The following EFHC2 variants were observed in gnomAD, a reference collection of about 807,000 sequenced individuals.
EFHC2 encodes EF-hand domain containing 2, also known as EF-hand domain-containing family member C2.
In EFHC2, 18 loss-of-function variants were observed where a neutral mutation model predicts 52.7. The observed-to-expected ratio is 0.34, with a 90% CI of 0.24 to 0.51. The LOEUF (loss-of-function observed/expected upper bound fraction) is 0.51, where lower values mean the gene tolerates loss of function less well. Among genes scored for constraint, EFHC2 ranks in the 20% least tolerant of loss-of-function variants. The pLI is 0.97. For synonymous variants in EFHC2, 203 were observed against 204.1 expected (o/e 0.99, Z 0.04); for missense variants, 513 against 562.5 (o/e 0.91, Z 0.89).
chrX:44,242,332 G>C (rs775328127), intron 7 of EFHC2, 43 bp from the exon 8 acceptor site: 2 of 1,156,931 alleles, frequency 1.7e-6, no homozygotes, highest in South Asian at 4.0e-5. Context: ...TATTTTTTTT[G>C]CCCTGATTAT....
At position 44,303,310 on chromosome X, in the gene EFHC2, C is replaced by T. The variant is rs142296946; in HGVS notation, c.231+9258G>A. 4.9e-4 allele frequency among the ~76,000 whole-genome samples: 55 copies of T among 111,656 alleles called. 1 individual carries two copies. The East Asian group carries it at 0.013, about 27-fold the overall frequency. ...AACACAGAAAATGAACCTTGTCCAGCCATGAAATGTCAAACATCCCCCTCT... is the reference window on the plus strand; with the variant it reads ...AACACAGAAAATGAACCTTGTCCAGTCATGAAATGTCAAACATCCCCCTCT... On this transcript the variant is annotated intron_variant, in intron 2 of 14. Coordinates refer to ENST00000420999, the MANE Select transcript of EFHC2 (RefSeq NM_025184.4).
chrX:44,205,927 A>G (rs777163555), intron 11 of EFHC2, among the ~76,000 whole-genome samples: 4 of 111,579 alleles, frequency 3.6e-5, no homozygotes, highest in African/African-American at 1.3e-4. Context: ...CAGAATATAC[A>G]TCCTTCTCAT....
intron 2 of EFHC2, among the ~76,000 whole-genome samples, chrX:44,293,129 A>G (rs2037804801): frequency 9.1e-6 from 1 of 109,740 alleles, no homozygotes; most frequent in South Asian, 4.0e-4. Flanking sequence ...GGTACGTGCC[A>G]CCATGCCCAG....
At chrX:44,178,624 C>T in intron 11 of EFHC2, 60 bp from the exon 12 acceptor site, 2 of 939,702 alleles carry the variant, frequency 2.1e-6, no homozygotes, top group South Asian at 5.2e-5. Context: ...TATTTTACAT[C>T]TCCTTCTATT....
intron 11 of EFHC2, among the ~76,000 whole-genome samples, chrX:44,222,256 C>T (rs1216077853): frequency 9.0e-6 from 1 of 110,992 alleles, no homozygotes; most frequent in East Asian, 2.8e-4. Context: ...ACAATAAGGA[C>T]TTGTAGAAAC....
intron 2 of EFHC2, among the ~76,000 whole-genome samples, chrX:44,277,177 T>G (rs1289251973): frequency 9.7e-6 from 1 of 102,592 alleles, no homozygotes; most frequent in Non-Finnish European, 1.9e-5. Flanking sequence ...GAGAATGGCA[T>G]GAACCTGGGA....
chrX:44,313,651 G>T (rs190992850), intron 1 of EFHC2, among the ~76,000 whole-genome samples: 1 of 111,454 alleles, frequency 9.0e-6, no homozygotes, highest in African/African-American at 3.3e-5. Flanking sequence ...AATATTACAC[G>T]TATCAATATA....
rs774240302 is a variant in EFHC2 at position 44,229,709 on chromosome X, T to C, written c.1691A>G (p.Lys564Arg). 2 of 1,210,750 alleles carry C rather than the reference T, an allele frequency of 1.7e-6. No homozygotes were observed. The highest frequency in any genetic ancestry group is 2.2e-5 in the Admixed American group (1 of 46,023). ...KQEEGKSREL[K>R]QVFKAADSKH... is the part of the protein sequence containing the mutation. Reference sequence around the variant, plus strand: ...AGAGTCAGCAGCTTTAAATACCTGCTTGAGCTCTCTGGATTTTCCTTCTTC... The same window carrying C: ...AGAGTCAGCAGCTTTAAATACCTGCCTGAGCTCTCTGGATTTTCCTTCTTC... The change falls in exon 11 of 15, where the codon AAG (lysine) becomes AGG (arginine). Residue 564 changes from lysine (K) to arginine (R), a missense_variant. By Grantham distance (26) the Lys-to-Arg change is conservative. Transcript: ENST00000420999.
intron 2 of EFHC2, among the ~76,000 whole-genome samples, chrX:44,289,242 C>T (rs1428541910): frequency 9.0e-6 from 1 of 111,572 alleles, no homozygotes; most frequent in Non-Finnish European, 1.9e-5. Flanking sequence ...CTACTACTCA[C>T]CACTAATCAT....
chrX:44,310,071 G>A (rs1447680879), intron 2 of EFHC2: 2 of 761,598 alleles, frequency 2.6e-6, no homozygotes, highest in African/African-American at 4.1e-5. Flanking sequence ...GCCATCACTT[G>A]CTGCAAAGAA....
intron 2 of EFHC2, among the ~76,000 whole-genome samples, chrX:44,304,695 C>T (rs187527493): frequency 1.8e-5 from 2 of 110,769 alleles, no homozygotes; most frequent in African/African-American, 3.3e-5. Context: ...AATGAAATAA[C>T]GAAGTCTTTG....
intron 2 of EFHC2, among the ~76,000 whole-genome samples, chrX:44,300,935 C>T (rs2037863305): frequency 2.8e-5 from 3 of 108,202 alleles, no homozygotes; most frequent in South Asian, 8.4e-4. Context: ...ACAGTGAAAC[C>T]CCATCTACAC....
At chrX:44,251,365 G>T (rs1185135366) in intron 4 of EFHC2, among the ~76,000 whole-genome samples, 3 of 103,737 alleles carry the variant, frequency 2.9e-5, no homozygotes, top group African/African-American at 1.1e-4. Context: ...TGTAATCTCA[G>T]CACCTTGGGA....
intron 13 of EFHC2, among the ~76,000 whole-genome samples, chrX:44,168,526 C>T (rs1289985049): frequency 2.9e-5 from 3 of 103,626 alleles, no homozygotes; most frequent in Admixed American, 1.1e-4. Flanking sequence ...AGCGAGACTC[C>T]GTCTCAAAAG....
chrX:44,329,056 GA>G (rs2038070258), intron 1 of EFHC2, among the ~76,000 whole-genome samples: 1 of 111,279 alleles, frequency 9.0e-6, no homozygotes, highest in African/African-American at 3.3e-5. Context: ...CCAAGAACCT[GA>G]ACACCCTCCG....
intron 11 of EFHC2, among the ~76,000 whole-genome samples, chrX:44,216,471 C>G (rs1299501723): frequency 9.0e-6 from 1 of 111,659 alleles, no homozygotes; most frequent in Admixed American, 9.5e-5. Context: ...AGGGAAGTGT[C>G]ACAGCAGACA....
intron 13 of EFHC2, among the ~76,000 whole-genome samples, chrX:44,172,243 T>C (rs191467072): frequency 1.1e-3 from 119 of 112,012 alleles, no homozygotes; most frequent in Non-Finnish European, 2.1e-3. Context: ...TCTCTAGTTA[T>C]TCCAAGTCTA....
chrX:44,148,700 G>C lies in EFHC2; in HGVS notation c.*95C>G, dbSNP rs2036543505. 10 of 742,333 alleles carry C rather than the reference G, an allele frequency of 1.3e-5. No individual in the cohort carries two copies. The highest frequency in any genetic ancestry group is 1.9e-5 in the Non-Finnish European group (10 of 513,915). 61.2% of individuals were successfully genotyped at this position (742,333 alleles called of 1,213,427 possible). A position where few individuals can be genotyped will look rare whatever the true frequency, so the allele number is the denominator to read the frequency against. ...TGGATTTCCATTTAATATAAACCTT[G>C]TTTCTTTTTTGTTTTTAATGAAATT... On this transcript the variant is annotated 3_prime_UTR_variant, in exon 15 of 15. Transcript: ENST00000420999.
intron 11 of EFHC2, among the ~76,000 whole-genome samples, chrX:44,187,449 A>T (rs11091228): frequency 0.079 from 8,700 of 110,524 alleles, 311 homozygotes; most frequent in Admixed American, 0.17. Flanking sequence ...TAGATATTAC[A>T]CATTTTTTTT....
Sources: allele counts gnomAD v4.1 joint callset (sites outside exome capture counted in the v4.1 genomes callset), GRCh38; gene constraint gnomAD v4.1.1; transcripts MANE v1.5; gene names NCBI Gene and HGNC (gene_info 2026-07-23, HGNC 2026-07-21).